RYR3: variants seen among roughly 807,000 people sequenced by gnomAD.
RYR3 encodes the protein brain ryanodine receptor-calcium release channel.
A neutral mutation model predicts 584.3 loss-of-function variants in RYR3; 207 were observed. That is an observed-to-expected ratio of 0.35 (90% confidence interval 0.32 to 0.40). The LOEUF is 0.40. Among genes scored for constraint, RYR3 ranks in the 10% least tolerant of loss-of-function variants. The probability of loss-of-function intolerance (pLI) is 1.00; values close to 1 mark genes in which losing one functional copy is unlikely to be tolerated. For missense variants in RYR3, 5,616 were observed against 6,089.2 expected, an observed-to-expected ratio of 0.92 and a Z score of 2.59; for synonymous variants, 2,416 against 2,248.5, an observed-to-expected ratio of 1.07 and a Z score of -2.11.
chr15:33,850,455 G>A (rs1478411146), intron 94 of RYR3: 1 of 151,892 alleles, frequency 6.6e-6, no homozygotes, highest in Non-Finnish European at 1.5e-5. Flanking sequence ...ACACTAAAAT[G>A]TCCTAACAAA....
rs2078858198 is a variant in RYR3, at chr15:33,848,384, A to G, written c.13591A>G (p.Ile4531Val). 2 of 1,613,580 alleles carry G rather than the reference A, an allele frequency of 1.2e-6. No homozygotes were observed. The highest frequency in any genetic ancestry group is 1.7e-6 in the Non-Finnish European group (2 of 1,179,862). The change falls in exon 94 of 104, where the codon ATC (isoleucine) becomes GTC (valine). Residue 4531 changes from isoleucine (I) to valine (V), a missense_variant. By Grantham distance (29) the Ile-to-Val change is conservative. Coordinates refer to ENST00000634891, the MANE Select transcript of RYR3 (RefSeq NM_001036.6). Reference sequence around the variant, plus strand: ...CACCGAACAGCCATCTGAAGATGACATCAAGGGGCAGTGGGACCGCTTGGT... The same window carrying G: ...CACCGAACAGCCATCTGAAGATGACGTCAAGGGGCAGTGGGACCGCTTGGT... The part of the protein sequence containing the change: ...YITEQPSEDD[I>V]KGQWDRLVIN...
intron 43 of RYR3, among the ~76,000 whole-genome samples, chr15:33,713,930 T>C (rs1406430334): frequency 2.0e-5 from 3 of 152,164 alleles, no homozygotes; most frequent in Non-Finnish European, 4.4e-5. Context: ...CTGCCTAATA[T>C]CGTCACCTGG....
intron 1 of RYR3, among the ~76,000 whole-genome samples, chr15:33,470,328 G>T (rs1043266013): frequency 2.0e-5 from 3 of 152,078 alleles, no homozygotes; most frequent in African/African-American, 2.4e-5. Flanking sequence ...AGTTGCATCT[G>T]CTGTGAGGCC....
chr15:33,437,373 G>A (rs186509906), intron 1 of RYR3, among the ~76,000 whole-genome samples: 1 of 152,276 alleles, frequency 6.6e-6, no homozygotes, highest in East Asian at 1.9e-4. Context: ...ATACTCCAAG[G>A]TTTTATATTT....
chr15:33,740,916 AAC>A (rs1213874437), intron 51 of RYR3, among the ~76,000 whole-genome samples: 2 of 152,220 alleles, frequency 1.3e-5, no homozygotes, highest in Non-Finnish European at 2.9e-5. Context: ...ACAGAATTGA[AAC>A]TGCTGTTAAG....
intron 2 of RYR3, among the ~76,000 whole-genome samples, chr15:33,483,030 A>G (rs1254127455): frequency 1.3e-5 from 2 of 151,858 alleles, no homozygotes; most frequent in Non-Finnish European, 2.9e-5. Flanking sequence ...ATATTTATTT[A>G]TTCCCTTTTT....
intron 21 of RYR3, among the ~76,000 whole-genome samples, chr15:33,629,022 G>A (rs1008411578): frequency 2.0e-5 from 3 of 152,192 alleles, no homozygotes; most frequent in South Asian, 2.1e-4. Context: ...ATGTCTGAAG[G>A]CAGAAGGATA....
Position 33,731,699 on chromosome 15 carries a change from G to C in RYR3, c.7424+5G>C. ...ATGTTTGCTTGCCATTTGCAAGTAA[G>C]TACATATCCTATGTTGTTACTTCTG... On this transcript the variant is annotated splice_donor_5th_base_variant and intron_variant, in intron 48 of 103. Coordinates refer to ENST00000634891, the MANE Select transcript of RYR3 (RefSeq NM_001036.6). The C allele has an allele frequency of 1.3e-6, 2 of 1,572,930 alleles. No individual in the cohort carries two copies. Among genetic ancestry groups the C allele is most frequent in the Non-Finnish European group, 1.7e-6 (2 of 1,143,916 alleles).
chr15:33,513,133 T>TG (rs1300522655), intron 3 of RYR3, among the ~76,000 whole-genome samples: 1 of 152,226 alleles, frequency 6.6e-6, no homozygotes, highest in Non-Finnish European at 1.5e-5. Flanking sequence ...CCTAGGAGAA[T>TG]GGAAACTCTT....
rs148274643 is a variant in RYR3 at position 33,651,145 on chromosome 15, A to G, written c.4143-1573A>G. The stretch of plus-strand genomic sequence containing the variant: ...TAGCACCTAGGATAAGACATACTAT[A>G]TGGTACACATTCAATAATTCTTACT... On this transcript the variant is annotated intron_variant, in intron 31 of 103. Transcript: ENST00000634891. Among the ~76,000 whole-genome samples, 33 of 152,374 alleles carry G rather than the reference A, an allele frequency of 2.2e-4. 1 individual carries two copies. In the East Asian group the frequency reaches 5.2e-3, roughly 24 times the overall value.
chr15:33,402,140 GCATTTCAACATTTA>G, intron 1 of RYR3, among the ~76,000 whole-genome samples: 1 of 152,048 alleles, frequency 6.6e-6, no homozygotes, highest in Non-Finnish European at 1.5e-5. Flanking sequence ...TTTAAATGTT[GCATTTCAACATTTA>G]AATTGATCAT....
chr15:33,337,956 T>TTTTTTTTTTTTTTTTTTTTTTTTTTTTTC (rs1348481039), intron 1 of RYR3, among the ~76,000 whole-genome samples: 1 of 115,454 alleles, frequency 8.7e-6, no homozygotes, highest in Non-Finnish European at 1.9e-5. Context: ...TTTTTTTTTT[T>TTTTTTTTTTTTTTTTTTTTTTTTTTTTTC]TTTTTTGAGA....
chr15:33,705,031 A>G (rs114320290), intron 42 of RYR3, among the ~76,000 whole-genome samples: 3,245 of 152,106 alleles, frequency 0.021, 126 homozygotes, highest in African/African-American at 0.075. Flanking sequence ...TAGATCATTT[A>G]GGATTGAACA....
At chr15:33,789,028 A>G (rs2074922777) in intron 67 of RYR3, among the ~76,000 whole-genome samples, 1 of 152,232 alleles carries the variant, frequency 6.6e-6, no homozygotes, top group Non-Finnish European at 1.5e-5. Context: ...AAAGACCTGA[A>G]GTCAGTAACG....
intron 3 of RYR3, among the ~76,000 whole-genome samples, chr15:33,520,557 G>A (rs1489852183): frequency 6.8e-6 from 1 of 146,002 alleles, no homozygotes; most frequent in Non-Finnish European, 1.5e-5. Flanking sequence ...GGCAACATCA[G>A]ATTCTTAATC....
Position 33,838,913 on chromosome 15 carries a change from A to C in RYR3, c.12933A>C (p.Glu4311Asp). 6.2e-7 allele frequency: 1 copy of C among 1,613,726 alleles called. No individual in the cohort carries two copies. Among genetic ancestry groups the C allele is most frequent in the Non-Finnish European group, 8.5e-7 (1 of 1,179,796 alleles). ...TCTCAGAAATTATTGGCAAGGATGA[A>C]CCCCCTACATTAGAGAGTACTGTAC... ...GDLSEIIGKDEPPTLESTVQK... is the reference protein window; with the variant it reads ...GDLSEIIGKDDPPTLESTVQK... Residue 4311 changes from glutamate (E) to aspartate (D), a missense_variant, in exon 89 of 104, where the codon GAA becomes GAC. Physicochemically the swap from Glu to Asp is conservative, Grantham distance 45. This residue lies in a region of RYR3 where 918 missense variants were observed against 887.4 expected (regional missense o/e 1.03). Transcript: ENST00000634891.
At chr15:33,474,296 G>A (rs1479947159) in intron 2 of RYR3, among the ~76,000 whole-genome samples, 1 of 152,134 alleles carries the variant, frequency 6.6e-6, no homozygotes, top group Non-Finnish European at 1.5e-5. Context: ...TGAGTGGGTA[G>A]GTAGGTAAGT....
chr15:33,762,191 G>A (rs143046599), intron 60 of RYR3, among the ~76,000 whole-genome samples: 261 of 152,216 alleles, frequency 1.7e-3, no homozygotes, highest in Non-Finnish European at 3.3e-3. Context: ...TTAGAAAACC[G>A]GCACTGTACA....
intron 60 of RYR3, among the ~76,000 whole-genome samples, chr15:33,766,135 T>C (rs2073037383): frequency 6.6e-6 from 1 of 151,458 alleles, no homozygotes; most frequent in Admixed American, 6.6e-5. Flanking sequence ...ACAAAAAAAA[T>C]AGCTGGGCGT....
Sources: gnomAD v4.1 joint callset for allele counts (sites outside exome capture counted in the v4.1 genomes callset) on GRCh38, gnomAD v4.1.1 for gene constraint, gnomAD v4.1.1 regional missense constraint, MANE v1.5 for transcripts, NCBI Gene and HGNC (gene_info 2026-07-23, HGNC 2026-07-21) for gene names.